TRMT11: variants seen among roughly 807,000 people sequenced by gnomAD.
TRMT11 encodes the protein tRNA (guanine(10)-N(2))-methyltransferase TRMT11.
In TRMT11, 53 loss-of-function variants were observed where a neutral mutation model predicts 62.8. That is an observed-to-expected ratio of 0.84 (90% CI 0.68 to 1.06). The LOEUF is 1.06. Among genes scored for constraint, TRMT11 ranks in the 50% least tolerant of loss-of-function variants. TRMT11 has a pLI of 0.00. For synonymous variants in TRMT11, 188 were observed against 190.3 expected (o/e 0.99, Z 0.10); for missense variants, 556 against 553.4 (o/e 1.00, Z -0.05).
At chr6:126,104,836 C>CT (rs1280448933) in intron 17 of TRMT11, among the ~76,000 whole-genome samples, 10 of 152,100 alleles carry the variant, frequency 6.6e-5, no homozygotes, top group African/African-American at 2.4e-4. Flanking sequence ...TCGAGTTCTT[C>CT]TTTTTTCATT....
At chr6:126,030,384 TCTG>T (rs1359698794) in intron 12 of TRMT11, among the ~76,000 whole-genome samples, 5 of 152,298 alleles carry the variant, frequency 3.3e-5, no homozygotes, top group African/African-American at 1.2e-4. Context: ...CATTTCACTC[TCTG>T]CTGATTAAAA....
At chr6:126,195,058 A>G (rs908465072) in intron 1 of TRMT11, among the ~76,000 whole-genome samples, 1 of 152,150 alleles carries the variant, frequency 6.6e-6, no homozygotes, top group Non-Finnish European at 1.5e-5. Flanking sequence ...TGAGGGTGCA[A>G]TGAACTGTGA....
the TRMT11 span, among the ~76,000 whole-genome samples, chr6:126,240,627 G>A: frequency 2.0e-5 from 3 of 152,286 alleles, no homozygotes; most frequent in South Asian, 2.1e-4. Context: ...CTACTGGGGG[G>A]TGCCTCCCAG....
chr6:126,113,917 C>T (rs1425524567), intron 18 of TRMT11, among the ~76,000 whole-genome samples: 6 of 152,012 alleles, frequency 3.9e-5, no homozygotes, highest in East Asian at 3.9e-4. Flanking sequence ...CTGACAAACT[C>T]GCAGGCAATG....
At chr6:126,000,851 T>G (rs755195033) in intron 7 of TRMT11, among the ~76,000 whole-genome samples, 1 of 152,118 alleles carries the variant, frequency 6.6e-6, no homozygotes, top group Non-Finnish European at 1.5e-5. Flanking sequence ...CCACTCTCAT[T>G]ATCCTAAGTA....
chr6:126,017,151 AT>A (rs1795112015), intron 11 of TRMT11, among the ~76,000 whole-genome samples: 1 of 152,190 alleles, frequency 6.6e-6, no homozygotes, highest in Admixed American at 6.5e-5. Context: ...AAGGAATTCA[AT>A]TTACAATTGT....
intron 17 of TRMT11, among the ~76,000 whole-genome samples, chr6:126,060,561 GC>G (rs1446349484): frequency 6.6e-6 from 1 of 152,164 alleles, no homozygotes; most frequent in Non-Finnish European, 1.5e-5. Context: ...ATCACTCAGT[GC>G]GTATGTGACA....
chr6:125,999,940 C>T (rs1351921992), intron 7 of TRMT11, among the ~76,000 whole-genome samples: 3 of 152,038 alleles, frequency 2.0e-5, no homozygotes, highest in African/African-American at 7.2e-5. Context: ...AATAGGAAAA[C>T]TCTTGGTGAA....
intron 1 of TRMT11, among the ~76,000 whole-genome samples, chr6:126,185,271 A>T (rs1778514381): frequency 2.0e-5 from 3 of 152,194 alleles, no homozygotes; most frequent in East Asian, 1.9e-4. Flanking sequence ...TTTGGTCAGC[A>T]AAGTTTATCT....
intron 17 of TRMT11, among the ~76,000 whole-genome samples, chr6:126,057,237 C>T (rs1472253446): frequency 6.6e-6 from 1 of 152,198 alleles, no homozygotes; most frequent in Non-Finnish European, 1.5e-5. Flanking sequence ...TCACCTAGTC[C>T]TCCATGGCAA....
chr6:126,232,625 G>A, the TRMT11 span, among the ~76,000 whole-genome samples: 3 of 152,144 alleles, frequency 2.0e-5, no homozygotes, highest in South Asian at 4.1e-4. Flanking sequence ...CCTATATCCT[G>A]AGGATTAGAA....
At chr6:126,203,414 T>G (rs147580593), downstream of TRMT11, among the ~76,000 whole-genome samples, 481 of 152,298 alleles carry the variant, frequency 3.2e-3, 1 homozygote, top group African/African-American at 0.011. Flanking sequence ...ATCAGTAAAT[T>G]TGTACCCTTC....
chr6:126,175,106 G>C (rs1002217585), upstream of TRMT11, among the ~76,000 whole-genome samples: 2 of 152,174 alleles, frequency 1.3e-5, no homozygotes, highest in Non-Finnish European at 1.5e-5. Context: ...GGAATGTTTT[G>C]TATCATTGAC....
intron 21 of TRMT11, among the ~76,000 whole-genome samples, chr6:126,140,526 T>C (rs1268663712): frequency 6.6e-6 from 1 of 152,098 alleles, no homozygotes; most frequent in Non-Finnish European, 1.5e-5. Context: ...GTCTTTTCTG[T>C]TAGCTTAATG....
chr6:126,271,962 G>A, the TRMT11 span, among the ~76,000 whole-genome samples: 13 of 152,256 alleles, frequency 8.5e-5, no homozygotes, highest in African/African-American at 1.9e-4. Context: ...GGAAAAGGAC[G>A]ATTTTCATAC....
chr6:126,128,908 T>A (rs1777749056), intron 21 of TRMT11, among the ~76,000 whole-genome samples: 1 of 134,986 alleles, frequency 7.4e-6, no homozygotes. Flanking sequence ...AGGATTTTTG[T>A]TTTCTGATTT....
intron 1 of TRMT11, among the ~76,000 whole-genome samples, chr6:126,188,050 G>T (rs1778546307): frequency 6.6e-6 from 1 of 151,678 alleles, no homozygotes; most frequent in Non-Finnish European, 1.5e-5. Context: ...TGATCTTGAG[G>T]TAGCCAATGA....
intron 17 of TRMT11, among the ~76,000 whole-genome samples, chr6:126,059,656 A>G (rs1312786752): frequency 6.6e-6 from 1 of 152,214 alleles, no homozygotes; most frequent in African/African-American, 2.4e-5. Context: ...AGAAATGGAA[A>G]TTCACAAAGC....
intron 16 of TRMT11, among the ~76,000 whole-genome samples, chr6:126,045,913 T>C (rs1324029903): frequency 6.6e-6 from 1 of 152,124 alleles, no homozygotes; most frequent in African/African-American, 2.4e-5. Context: ...GGATTGTTTT[T>C]TTTCCAGTGG....
Sources: allele counts gnomAD v4.1 joint callset (sites outside exome capture counted in the v4.1 genomes callset), GRCh38; gene constraint gnomAD v4.1.1; transcripts MANE v1.5; gene names NCBI Gene and HGNC (gene_info 2026-07-23, HGNC 2026-07-21).